MTNR1A: variants seen among roughly 807,000 people sequenced by gnomAD.
MTNR1A encodes the protein melatonin receptor type 1A.
In MTNR1A, 7 loss-of-function variants were observed where a neutral mutation model predicts 5.5. The ratio of observed to expected loss-of-function variants is 1.28; its 90% CI spans 0.73 to 2.40. MTNR1A has a LOEUF of 2.40. MTNR1A is among the 30% of genes most tolerant of loss of function. MTNR1A has a pLI of 0.00. For missense variants in MTNR1A, 441 were observed against 464.4 expected, an observed-to-expected ratio of 0.95 and a Z score of 0.46; for synonymous variants, 196 against 202.7, an observed-to-expected ratio of 0.97 and a Z score of 0.28.
In MTNR1A at chr4:186,555,345, C is replaced by A. The variant is rs757366598; in HGVS notation, c.21G>T (p.Ala7=). MQGNGS[A]LPNASQPVLR... is the part of the protein sequence containing the mutation. ...GCACGGGCTGGGAGGCGTTGGGCAG[C>A]GCGCTGCCGTTGCCCTGCATGGTCC... Residue 7 remains alanine (A), a synonymous_variant, in exon 1 of 2, where the codon GCG becomes GCT. Coordinates refer to ENST00000307161, the MANE Select transcript of MTNR1A (RefSeq NM_005958.4). This position sits in a 1 kb window ranked among gnomAD's most constrained non-coding sequence, Gnocchi z 4.1. The A allele has an allele frequency of 4.5e-6, 7 of 1,541,364 alleles. No individual in the cohort carries two copies. Among genetic ancestry groups the A allele is most frequent in the African/African-American group, 2.8e-5 (2 of 72,658 alleles).
intron 1 of MTNR1A, among the ~76,000 whole-genome samples, chr4:186,540,447 C>A (rs1306398478): frequency 6.6e-6 from 1 of 152,218 alleles, no homozygotes; most frequent in African/African-American, 2.4e-5. Context: ...TGTAAGGAGG[C>A]CTTAGCAGGC....
At chr4:186,534,833 T>G (rs1736809485) in intron 1 of MTNR1A, among the ~76,000 whole-genome samples, 1 of 152,176 alleles carries the variant, frequency 6.6e-6, no homozygotes, top group East Asian at 1.9e-4. Flanking sequence ...TTCTCATCTC[T>G]TAAAAAGTCC....
chr4:186,553,117 C>T (rs1199021379), intron 1 of MTNR1A, among the ~76,000 whole-genome samples: 1 of 152,192 alleles, frequency 6.6e-6, no homozygotes, highest in Non-Finnish European at 1.5e-5. Context: ...TCATTTCTTC[C>T]ATTCTCTTCT....
At chr4:186,535,940 A>T (rs1156974859) in intron 1 of MTNR1A, among the ~76,000 whole-genome samples, 1 of 152,180 alleles carries the variant, frequency 6.6e-6, no homozygotes, top group Non-Finnish European at 1.5e-5. Context: ...AGCACTTTAT[A>T]CTGCTTTTTA....
At chr4:186,544,300 T>A (rs1404581310) in intron 1 of MTNR1A, among the ~76,000 whole-genome samples, 2 of 152,230 alleles carry the variant, frequency 1.3e-5, no homozygotes, top group African/African-American at 4.8e-5. Context: ...ATTACAGGCG[T>A]GAGCCACCAT....
chr4:186,548,657 C>T lies in MTNR1A; in HGVS notation c.184+6525G>A, dbSNP rs78664860. 5.8e-3 allele frequency among the ~76,000 whole-genome samples: 885 copies of T among 151,696 alleles called. 12 individuals carry two copies. Among genetic ancestry groups the T allele is most frequent in the African/African-American group, 0.02 (836 of 41,412 alleles). ...TGAGGAAACTGAGCAAATTAGGTCA[C>T]TTGCCCTATGTCACACGCATGAGAT... is the stretch of plus-strand genomic sequence containing the variant. On this transcript the variant is annotated intron_variant, in intron 1 of 1. Coordinates refer to ENST00000307161, the MANE Select transcript of MTNR1A (RefSeq NM_005958.4).
At position 186,555,314 on chromosome 4, in the gene MTNR1A, C is replaced by T. The variant is rs766332178; in HGVS notation, c.52G>A (p.Gly18Arg). The T allele has an allele frequency of 1.9e-6, 3 of 1,546,880 alleles. No homozygotes were observed. Among genetic ancestry groups the T allele is most frequent in the Non-Finnish European group, 1.7e-6 (2 of 1,145,884 alleles). Residue 18 changes from glycine to arginine, a missense_variant, in exon 1 of 2, where the codon GGG (glycine) becomes AGG (arginine). Physicochemically the swap from Gly to Arg is moderately radical, Grantham distance 125. Coordinates refer to ENST00000307161, the MANE Select transcript of MTNR1A (RefSeq NM_005958.4). This position sits in a 1 kb window ranked among gnomAD's most constrained non-coding sequence, Gnocchi z 4.1. ...AGCCACGAGGGCCGCGCGCCGTCCCCGCGGAGCACGGGCTGGGAGGCGTTG... is the reference window on the plus strand; with the variant it reads ...AGCCACGAGGGCCGCGCGCCGTCCCTGCGGAGCACGGGCTGGGAGGCGTTG... ...LPNASQPVLR[G>R]DGARPSWLAS...
At chr4:186,545,702 G>A (rs138756970) in intron 1 of MTNR1A, among the ~76,000 whole-genome samples, 20 of 152,258 alleles carry the variant, frequency 1.3e-4, no homozygotes, top group Non-Finnish European at 2.2e-4. Flanking sequence ...TACTGTTCAC[G>A]AAGACTAAAA....
intron 1 of MTNR1A, among the ~76,000 whole-genome samples, chr4:186,550,001 G>A (rs73024788): frequency 0.012 from 1,799 of 152,206 alleles, 36 homozygotes; most frequent in African/African-American, 0.041. Flanking sequence ...TTTCTCTCCC[G>A]TCTCTTCTTC....
At chr4:186,536,306 A>G (rs914032443) in intron 1 of MTNR1A, among the ~76,000 whole-genome samples, 8 of 151,886 alleles carry the variant, frequency 5.3e-5, no homozygotes, top group Non-Finnish European at 8.8e-5. Flanking sequence ...AGATCGCGCC[A>G]TTGCACTCCA....
intron 1 of MTNR1A, among the ~76,000 whole-genome samples, chr4:186,536,342 G>C (rs190817244): frequency 6.8e-6 from 1 of 147,272 alleles, no homozygotes; most frequent in East Asian, 2.0e-4. Flanking sequence ...GCAAAACTCC[G>C]TATCAAAAAA....
intron 1 of MTNR1A, among the ~76,000 whole-genome samples, chr4:186,542,933 C>CA (rs1204048237): frequency 6.6e-6 from 1 of 152,118 alleles, no homozygotes; most frequent in East Asian, 1.9e-4. Flanking sequence ...TCCATCTCTA[C>CA]AAAAAATAAA....
At chr4:186,549,898 C>T (rs1443357346) in intron 1 of MTNR1A, among the ~76,000 whole-genome samples, 1 of 152,170 alleles carries the variant, frequency 6.6e-6, no homozygotes, top group African/African-American at 2.4e-5. Context: ...TACTCAGTAT[C>T]AAAGCAAGTG....
In MTNR1A at chr4:186,555,191, T is replaced by A; in HGVS notation, c.175A>T (p.Arg59Trp). Residue 59 changes from arginine to tryptophan, a missense_variant, in exon 1 of 2, where the codon AGG (arginine) becomes TGG (tryptophan). Transcript: ENST00000307161. The surrounding 1 kb of genome is among the most constrained non-coding windows in gnomAD (Gnocchi z 4.1). ...ILSVYRNKKL[R>W]NAGNIFVVSL... ...GCGGCGCGGGCCCTACCTGCGTTCC[T>A]GAGCTTCTTGTTCCGATACACCGAC... The A allele has an allele frequency of 6.3e-7, 1 of 1,593,108 alleles. No individual in the cohort carries two copies. The highest frequency in any genetic ancestry group is 8.5e-7 in the Non-Finnish European group (1 of 1,170,298).
At position 186,555,442 on chromosome 4, in the gene MTNR1A, C is replaced by G; in HGVS notation, c.-77G>C. 2 of 1,205,550 alleles carry G rather than the reference C, an allele frequency of 1.7e-6. No homozygotes were observed. Among genetic ancestry groups the G allele is most frequent in the Non-Finnish European group, 2.1e-6 (2 of 952,630 alleles). The allele number at this position is 1,205,550 out of a possible 1,614,324, so 74.7% of individuals were successfully genotyped here. On this transcript the variant is annotated 5_prime_UTR_variant, in exon 1 of 2. Transcript: ENST00000307161. This position sits in a 1 kb window ranked among gnomAD's most constrained non-coding sequence, Gnocchi z 4.1. Reference sequence around the variant, plus strand: ...CCCGACCACTTGTTAAGGCTCCGCCCGGCGCTCCCCGCGCCCACGCCCCAT... The same window carrying G: ...CCCGACCACTTGTTAAGGCTCCGCCGGGCGCTCCCCGCGCCCACGCCCCAT...
chr4:186,554,999 C>T (rs543470519), intron 1 of MTNR1A, among the ~76,000 whole-genome samples, 183 bp downstream of exon 1: 1 of 152,328 alleles, frequency 6.6e-6, no homozygotes, highest in African/African-American at 2.4e-5. Flanking sequence ...GGGGCTGTGA[C>T]TCCGCGCCTT....
At chr4:186,553,712 C>T (rs748727006) in intron 1 of MTNR1A, among the ~76,000 whole-genome samples, 12 of 152,158 alleles carry the variant, frequency 7.9e-5, no homozygotes, top group Non-Finnish European at 1.5e-4. Context: ...GGGGTTTCAC[C>T]ATGTTGGCCA....
intron 1 of MTNR1A, among the ~76,000 whole-genome samples, chr4:186,551,004 A>G (rs1049920640): frequency 1.3e-5 from 2 of 152,244 alleles, no homozygotes; most frequent in African/African-American, 4.8e-5. Context: ...ATTGCCTTGA[A>G]TCAGTAATTT....
chr4:186,538,902 C>T (rs1736941688), intron 1 of MTNR1A, among the ~76,000 whole-genome samples: 1 of 152,100 alleles, frequency 6.6e-6, no homozygotes, highest in Admixed American at 6.6e-5. Context: ...TAGTCACGGC[C>T]TGCAGGGGCA....
Sources: allele counts gnomAD v4.1 joint callset (sites outside exome capture counted in the v4.1 genomes callset), GRCh38; gene constraint gnomAD v4.1.1; non-coding constraint Gnocchi (gnomAD v3.1); transcripts MANE v1.5; gene names NCBI Gene and HGNC (gene_info 2026-07-23, HGNC 2026-07-21).